The following SND1 variants were observed in gnomAD, a reference collection of about 807,000 sequenced individuals.
SND1 encodes the protein staphylococcal nuclease domain-containing protein 1.
In SND1, 38 loss-of-function variants were observed where a neutral mutation model predicts 121.7. The observed-to-expected ratio is 0.31, with a 90% CI of 0.24 to 0.41. The LOEUF (loss-of-function observed/expected upper bound fraction) is 0.41, where lower values mean the gene tolerates loss of function less well. Ranked by LOEUF, SND1 falls within the 10% of genes least tolerant of loss-of-function variation. SND1 has a pLI of 1.00. For missense variants in SND1, 868 were observed against 1,184.6 expected, an observed-to-expected ratio of 0.73 and a Z score of 3.92; for synonymous variants, 401 against 447.4, an observed-to-expected ratio of 0.90 and a Z score of 1.31.
At chr7:127,837,239 C>G (rs749521191) in intron 11 of SND1, among the ~76,000 whole-genome samples, 1 of 151,996 alleles carries the variant, frequency 6.6e-6, no homozygotes, top group Non-Finnish European at 1.5e-5. Context: ...CTAGGAATGC[C>G]CACTGAGTTT....
intron 15 of SND1, among the ~76,000 whole-genome samples, chr7:127,952,055 A>AAAG (rs1343270758): frequency 6.6e-6 from 1 of 151,732 alleles, no homozygotes; most frequent in African/African-American, 2.4e-5. Flanking sequence ...ACCCTTACTT[A>AAAG]TTTCCTATTT....
chr7:127,663,519 A>G (rs1795356517), intron 1 of SND1, among the ~76,000 whole-genome samples: 1 of 152,008 alleles, frequency 6.6e-6, no homozygotes, highest in South Asian at 2.1e-4. Context: ...CTACAGGTGC[A>G]TGCCACTATG....
chr7:127,974,850 G>T (rs115825576), intron 15 of SND1, among the ~76,000 whole-genome samples: 202 of 152,312 alleles, frequency 1.3e-3, no homozygotes, highest in African/African-American at 4.6e-3. Context: ...AGGAGCTGGT[G>T]TCTCCCTAGG....
intron 10 of SND1, among the ~76,000 whole-genome samples, chr7:127,790,023 A>ATTGT (rs923372396): frequency 7.8e-4 from 118 of 152,156 alleles, no homozygotes; most frequent in South Asian, 8.3e-4. Context: ...GTGGTTCTGA[A>ATTGT]TTGTTTGTTT....
intron 15 of SND1, among the ~76,000 whole-genome samples, chr7:127,982,227 T>C (rs1046495089): frequency 2.0e-5 from 3 of 152,234 alleles, no homozygotes; most frequent in Non-Finnish European, 4.4e-5. Flanking sequence ...GCAGTTTCCA[T>C]TGCATTGTGA....
intron 11 of SND1, among the ~76,000 whole-genome samples, chr7:127,828,312 A>G (rs1242001407): frequency 6.6e-6 from 1 of 151,826 alleles, no homozygotes; most frequent in Non-Finnish European, 1.5e-5. Context: ...TTTCATTTCT[A>G]TTTCCTATAC....
chr7:128,031,867 C>T (rs1390932758), intron 16 of SND1: 1 of 150,514 alleles, frequency 6.6e-6, no homozygotes, highest in African/African-American at 2.4e-5. Context: ...CTCCCGGCGC[C>T]CTCAGTGGCC....
Position 128,085,880 on chromosome 7 carries a change from A to G in SND1, c.2304+100A>G. 9.7e-7 allele frequency: 1 copy of G among 1,031,040 alleles called. No individual in the cohort carries two copies. The allele number at this position is 1,031,040 out of a possible 1,614,324, so 63.9% of individuals were successfully genotyped here. On this transcript the variant is annotated intron_variant, in intron 20 of 23. Coordinates refer to ENST00000354725, the MANE Select transcript of SND1 (RefSeq NM_014390.4). This position sits in a 1 kb window ranked among gnomAD's most constrained non-coding sequence, Gnocchi z 4.4. ...CCAAGGTCCCTCTGAGCTTACCAATAGAACAATGAGCATTGGGGCATCTCT... is the reference window on the plus strand; with the variant it reads ...CCAAGGTCCCTCTGAGCTTACCAATGGAACAATGAGCATTGGGGCATCTCT...
chr7:128,067,060 A>G (rs774573674), intron 16 of SND1, among the ~76,000 whole-genome samples: 2 of 152,130 alleles, frequency 1.3e-5, no homozygotes, highest in African/African-American at 4.8e-5. Context: ...CTCCTGTGGA[A>G]CTGTTGCTTT....
chr7:128,053,184 A>G (rs1793075629), intron 16 of SND1, among the ~76,000 whole-genome samples: 1 of 152,178 alleles, frequency 6.6e-6, no homozygotes, highest in South Asian at 2.1e-4. Flanking sequence ...ATGTTTGTAA[A>G]CCATTTAGGA....
chr7:127,667,849 T>C (rs1322548313), intron 1 of SND1, among the ~76,000 whole-genome samples: 1 of 140,364 alleles, frequency 7.1e-6, no homozygotes, highest in East Asian at 1.9e-4. Flanking sequence ...TTAGAATAGG[T>C]CTTTATGTCA....
chr7:127,814,872 A>G (rs913930703), intron 11 of SND1, among the ~76,000 whole-genome samples: 2 of 152,148 alleles, frequency 1.3e-5, no homozygotes, highest in African/African-American at 2.4e-5. Context: ...TCGACTTTTT[A>G]TAGTTGGGTG....
rs923156310 is a variant in SND1 at position 127,722,378 on chromosome 7, G to T, written c.1152+978G>T. On this transcript the variant is annotated intron_variant, in intron 10 of 23. Coordinates refer to ENST00000354725, the MANE Select transcript of SND1 (RefSeq NM_014390.4). Reference sequence around the variant, plus strand: ...ACTGGAGTGCAGTGGCTATTCACAGGTGTGATCATTGCGCCCTGCAACTTC... The same window carrying T: ...ACTGGAGTGCAGTGGCTATTCACAGTTGTGATCATTGCGCCCTGCAACTTC... Among the ~76,000 whole-genome samples, 6 of 151,528 alleles carry T rather than the reference G, an allele frequency of 4.0e-5. No individual in the cohort carries two copies. In the South Asian group the frequency reaches 6.3e-4, roughly 16 times the overall value.
intron 10 of SND1, among the ~76,000 whole-genome samples, chr7:127,762,413 C>G (rs993277285): frequency 1.3e-5 from 2 of 152,186 alleles, no homozygotes; most frequent in Non-Finnish European, 2.9e-5. Context: ...CATGTCCTCT[C>G]TGCACATGTA....
At chr7:128,013,218 G>A (rs934254603) in intron 16 of SND1, among the ~76,000 whole-genome samples, 4 of 152,126 alleles carry the variant, frequency 2.6e-5, no homozygotes, top group Admixed American at 2.6e-4. Flanking sequence ...GGCTTCTCCT[G>A]ACTCTGGATC....
At chr7:127,870,760 T>C (rs1371829131) in intron 12 of SND1, among the ~76,000 whole-genome samples, 3 of 152,188 alleles carry the variant, frequency 2.0e-5, no homozygotes, top group African/African-American at 7.2e-5. Context: ...TACTGTACGC[T>C]ACTGTAGACT....
At chr7:127,841,288 T>G (rs1798960837) in intron 11 of SND1, among the ~76,000 whole-genome samples, 1 of 152,116 alleles carries the variant, frequency 6.6e-6, no homozygotes, top group Non-Finnish European at 1.5e-5. Flanking sequence ...TAAGCAGTGC[T>G]GATTTTTTCC....
chr7:127,723,006 C>T (rs13238924), intron 10 of SND1, among the ~76,000 whole-genome samples: 29,135 of 152,088 alleles, frequency 0.19, 3,673 homozygotes, highest in Middle Eastern at 0.32. Context: ...GCATCTGTGC[C>T]GTACAGTTGG....
At chr7:127,962,428 A>C (rs148784866) in intron 15 of SND1, among the ~76,000 whole-genome samples, 1 of 152,306 alleles carries the variant, frequency 6.6e-6, no homozygotes, top group African/African-American at 2.4e-5. Context: ...TCTTTGGCAA[A>C]ATGTGTTATC....
Sources: gnomAD v4.1 joint callset for allele counts (sites outside exome capture counted in the v4.1 genomes callset) on GRCh38, gnomAD v4.1.1 for gene constraint, Gnocchi (gnomAD v3.1) non-coding constraint, MANE v1.5 for transcripts, NCBI Gene and HGNC (gene_info 2026-07-23, HGNC 2026-07-21) for gene names.